Variants in VSIG10L observed in about 807,000 individuals in gnomAD.
VSIG10L encodes V-set and immunoglobulin domain containing 10 like.
VSIG10L carries 63 observed loss-of-function variants against 67.3 expected under a neutral mutation model. The observed-to-expected ratio is 0.94, with a 90% CI of 0.76 to 1.15. The LOEUF is 1.15. Ranked by LOEUF, VSIG10L falls within the 50% of genes most tolerant of loss-of-function variation. VSIG10L has a pLI of 0.00. For synonymous variants in VSIG10L, 499 were observed against 524.9 expected, an observed-to-expected ratio of 0.95 and a Z score of 0.67; for missense variants, 1,050 against 1,177.5, an observed-to-expected ratio of 0.89 and a Z score of 1.58.
At position 51,340,514 on chromosome 19, in the gene VSIG10L, G is replaced by T. The variant is rs1258048932; in HGVS notation, c.1108C>A (p.Arg370Ser). ...GDQLLIVRPVRSDHARYTCRV... is the reference protein window; with the variant it reads ...GDQLLIVRPVSSDHARYTCRV... Reference sequence around the variant, plus strand: ...CAAGTGTACCGGGCGTGGTCGCTGCGCACAGGGCGCACGATGAGCAGCTGG... The same window carrying T: ...CAAGTGTACCGGGCGTGGTCGCTGCTCACAGGGCGCACGATGAGCAGCTGG... The change falls in exon 3 of 10, where the codon CGC (arginine) becomes AGC (serine). Residue 370 changes from arginine to serine, a missense_variant. Transcript: ENST00000335624. The surrounding 1 kb of genome is among the most constrained non-coding windows in gnomAD (Gnocchi z 6.3). 1 of 1,533,158 alleles carries T rather than the reference G, an allele frequency of 6.5e-7. No individual in the cohort carries two copies. The highest frequency in any genetic ancestry group is 8.7e-7 in the Non-Finnish European group (1 of 1,144,390). 95.0% of individuals were successfully genotyped at this position (1,533,158 alleles called of 1,614,324 possible). A position where few individuals can be genotyped will look rare whatever the true frequency, so the allele number is the denominator to read the frequency against.
At chr19:51,335,738 G>A (rs1045425489) in intron 7 of VSIG10L, among the ~76,000 whole-genome samples, 6 of 151,968 alleles carry the variant, frequency 3.9e-5, no homozygotes, top group African/African-American at 1.5e-4. Context: ...GCAAAATCCT[G>A]TCTCTGCTAA....
intron 7 of VSIG10L, among the ~76,000 whole-genome samples, chr19:51,335,338 T>C (rs2123549926): frequency 6.6e-6 from 1 of 152,316 alleles, no homozygotes; most frequent in South Asian, 2.1e-4. Flanking sequence ...GGAGAATGCA[T>C]TATCTGACAG....
rs147163858 is a variant in VSIG10L at position 51,336,965 on chromosome 19, A to T, written c.2305+273T>A. Among the ~76,000 whole-genome samples, 1,277 of 152,040 alleles carry T rather than the reference A, an allele frequency of 8.4e-3. 16 individuals are homozygous for T. Among genetic ancestry groups the T allele is most frequent in the African/African-American group, 0.029 (1,198 of 41,456 alleles). ...GTATTTTTAGTAGAGACGGGGTTTC[A>T]CCGTGTGAGCCAGGATGGTCTCGAT... On this transcript the variant is annotated intron_variant, in intron 7 of 9. Coordinates refer to ENST00000335624, the MANE Select transcript of VSIG10L (RefSeq NM_001163922.3).
At chr19:51,341,080 C>G in intron 2 of VSIG10L, 73 bp downstream of exon 2, 1 of 1,448,782 alleles carries the variant, frequency 6.9e-7, no homozygotes, top group Non-Finnish European at 9.1e-7. Flanking sequence ...CCCACAGCAC[C>G]GTGACTTGCC....
At chr19:51,339,710 A>C in intron 4 of VSIG10L, 2 of 276,938 alleles carry the variant, frequency 7.2e-6, no homozygotes, top group Admixed American at 5.3e-5. Context: ...ATGCCCAGGA[A>C]TGTCCGCCCT....
Position 51,340,968 on chromosome 19 carries a change from G to A in VSIG10L, c.895+185C>T. On this transcript the variant is annotated intron_variant, in intron 2 of 9. Transcript: ENST00000335624. The surrounding 1 kb of genome is among the most constrained non-coding windows in gnomAD (Gnocchi z 6.3). ...GACCTGGGAGTTCAGGCTCCCAGGA[G>A]TCTCCATCCCAGGTCCACCTTTGCT... 1.0e-6 allele frequency: 1 copy of A among 1,001,340 alleles called. No individual in the cohort carries two copies. Among genetic ancestry groups the A allele is most frequent in the Non-Finnish European group, 1.4e-6 (1 of 731,136 alleles). 62.0% of individuals were successfully genotyped at this position (1,001,340 alleles called of 1,614,324 possible). A position where few individuals can be genotyped will look rare whatever the true frequency, so the allele number is the denominator to read the frequency against.
chr19:51,333,255 G>A (rs778005935), intron 9 of VSIG10L, among the ~76,000 whole-genome samples: 39 of 152,224 alleles, frequency 2.6e-4, no homozygotes, highest in Admixed American at 1.4e-3. Context: ...GGGGCTGGGC[G>A]TAGTGGCTCA....
chr19:51,333,093 T>G (rs2123546485), intron 9 of VSIG10L, among the ~76,000 whole-genome samples: 1 of 152,210 alleles, frequency 6.6e-6, no homozygotes, highest in East Asian at 1.9e-4. Context: ...CAAGTGATTC[T>G]CTCTCCTCAA....
rs781052441 is a variant in VSIG10L, at chr19:51,341,294, G to A, written c.754C>T (p.Arg252Ter). 4.5e-6 allele frequency: 7 copies of A among 1,546,544 alleles called. No homozygotes were observed. The highest frequency in any genetic ancestry group is 2.7e-5 in the African/African-American group (2 of 73,154). Residue 252 changes from arginine (R) to a stop codon, truncating the protein, a stop_gained, in exon 2 of 10, where the codon CGA becomes TGA. Coordinates refer to ENST00000335624, the MANE Select transcript of VSIG10L (RefSeq NM_001163922.3). LOFTEE classifies it high-confidence loss of function. ...APLISLDPAHRDHLRFDQARG... is the reference protein window; with the variant it reads ...APLISLDPAH ...GCCTGGTCAAATCGCAGGTGGTCTC[G>A]GTGAGCAGGGTCCAGGCTGATCAGA...
At position 51,331,730 on chromosome 19, in the gene VSIG10L, G is replaced by A. The variant is rs1985364464; in HGVS notation, c.*881C>T. The A allele has an allele frequency of 6.6e-6, 1 of 152,240 alleles. No homozygotes were observed. Among genetic ancestry groups the A allele is most frequent in the African/African-American group, 2.4e-5 (1 of 41,452 alleles). The allele number at this position is 152,240 out of a possible 1,614,324, so 9.4% of individuals were successfully genotyped here. On this transcript the variant is annotated 3_prime_UTR_variant, in exon 10 of 10. Transcript: ENST00000335624. ...AATATTTATTGATTGCCTGCTGTGT[G>A]TGAGGCTCTGGGTTAAGTGCTGAGT...
chr19:51,335,651 G>A (rs909704794), intron 7 of VSIG10L, among the ~76,000 whole-genome samples: 1 of 152,300 alleles, frequency 6.6e-6, no homozygotes, highest in African/African-American at 2.4e-5. Flanking sequence ...ACTCACGCCT[G>A]TAATCCCAGC....
chr19:51,341,391 G>A lies in VSIG10L; in HGVS notation c.657C>T (p.Pro219=). ...GGCGCCAGACCACCAGAGAGGTGGG[G>A]GGCCCAGGGTTGGGGATTGGGACTA... ...LPLVPIPNPG[P]PTSLVVWRRG... Residue 219 remains proline, a synonymous_variant, in exon 2 of 10, where the codon CCC becomes CCT. Coordinates refer to ENST00000335624, the MANE Select transcript of VSIG10L (RefSeq NM_001163922.3). The A allele has an allele frequency of 3.3e-6, 5 of 1,536,658 alleles. No homozygotes were observed. The highest frequency in any genetic ancestry group is 4.4e-6 in the Non-Finnish European group (5 of 1,142,100).
At chr19:51,341,076 G>A in intron 2 of VSIG10L, 77 bp downstream of exon 2, 1 of 1,443,946 alleles carries the variant, frequency 6.9e-7, no homozygotes, top group Non-Finnish European at 9.1e-7. Context: ...GGACCCCACA[G>A]CACCGTGACT....
chr19:51,341,652 G>A lies in VSIG10L; in HGVS notation c.396C>T (p.Pro132=), dbSNP rs757807837. 48 of 1,551,708 alleles carry A rather than the reference G, an allele frequency of 3.1e-5. No homozygotes were observed. Among genetic ancestry groups the A allele is most frequent in the Non-Finnish European group, 4.1e-5 (47 of 1,146,994 alleles). Reference sequence around the variant, plus strand: ...GGGTCTTAACAGTGAAGGAAGGCTTGGGGTCTTTGGCAGGAACTTGAGGAT... The same window carrying A: ...GGGTCTTAACAGTGAAGGAAGGCTTAGGGTCTTTGGCAGGAACTTGAGGAT... ...ISDPQVPAKD[P]KPSFTVKTPA... The change falls in exon 2 of 10, where the codon CCC becomes CCT. Residue 132 remains proline (P), a synonymous_variant. Transcript: ENST00000335624.
intron 9 of VSIG10L, among the ~76,000 whole-genome samples, chr19:51,333,102 A>G (rs1985396388): frequency 6.6e-6 from 1 of 152,078 alleles, no homozygotes. Flanking sequence ...CTCTCTCCTC[A>G]ACCACCCGAA....
At chr19:51,332,774 GA>G (rs1445819359) in intron 9 of VSIG10L, 134 bp from the exon 10 acceptor site, 107 of 797,126 alleles carry the variant, frequency 1.3e-4, no homozygotes, top group Middle Eastern at 2.6e-4. Flanking sequence ...TTGGAGAGGG[GA>G]AAAAAAATGC....
At chr19:51,338,488 T>C (rs10424579) in intron 5 of VSIG10L, among the ~76,000 whole-genome samples, 78,463 of 151,962 alleles carry the variant, frequency 0.52, 20,990 homozygotes, top group South Asian at 0.71. Context: ...ATTATTATTA[T>C]TATTTTGTAG....
At chr19:51,334,544 G>A (rs1322654071) in intron 7 of VSIG10L, among the ~76,000 whole-genome samples, 1 of 152,228 alleles carries the variant, frequency 6.6e-6, no homozygotes, top group African/African-American at 2.4e-5. Flanking sequence ...AAACAGGAAA[G>A]ATATCTACCC....
chr19:51,340,632 A>T lies in VSIG10L; in HGVS notation c.990T>A (p.Gly330=). Residue 330 remains glycine (G), a synonymous_variant, in exon 3 of 10, where the codon GGT becomes GGA. Coordinates refer to ENST00000335624, the MANE Select transcript of VSIG10L (RefSeq NM_001163922.3). The surrounding 1 kb of genome is among the most constrained non-coding windows in gnomAD (Gnocchi z 6.3). ...LRLRCLGWGP[G]RGELSWSRDG... ...CCCGGCTCCAGCTCAGCTCCCCGCG[A>T]CCTGGCCCCCACCCCAGGCAGCGCA... 6.5e-7 allele frequency: 1 copy of T among 1,533,934 alleles called. No individual in the cohort carries two copies. Among genetic ancestry groups the T allele is most frequent in the Non-Finnish European group, 8.7e-7 (1 of 1,145,896 alleles).
Sources: allele counts gnomAD v4.1 joint callset (sites outside exome capture counted in the v4.1 genomes callset), GRCh38; gene constraint gnomAD v4.1.1; non-coding constraint Gnocchi (gnomAD v3.1); transcripts MANE v1.5; gene names NCBI Gene and HGNC (gene_info 2026-07-23, HGNC 2026-07-21).